Variants in TEK observed in about 807,000 individuals in gnomAD.
TEK encodes the protein angiopoietin-1 receptor.
TEK carries 43 observed loss-of-function variants against 131.8 expected under a neutral mutation model. That is an observed-to-expected ratio of 0.33 (90% confidence interval 0.26 to 0.42). TEK has a LOEUF of 0.42. TEK is among the 10% of genes least tolerant of loss of function. The probability of loss-of-function intolerance (pLI) is 1.00; values close to 1 mark genes in which losing one functional copy is unlikely to be tolerated. For synonymous variants in TEK, 580 were observed against 491.6 expected (o/e 1.18, Z -2.38); for missense variants, 1,162 against 1,384.4 (o/e 0.84, Z 2.55).
At chr9:27,213,459 T>TAC in intron 17 of TEK, 25 bp from the exon 18 acceptor site, 1 of 1,571,388 alleles carries the variant, frequency 6.4e-7, no homozygotes, top group Non-Finnish European at 8.8e-7. Context: ...AGGCTGAAAA[T>TAC]ACATAATGTT....
chr9:27,150,733 A>G (rs545630829), intron 1 of TEK, among the ~76,000 whole-genome samples: 2 of 152,226 alleles, frequency 1.3e-5, no homozygotes, highest in South Asian at 2.1e-4. Context: ...TGGAGTTTGC[A>G]TATAAATGAA....
At chr9:27,156,988 G>A (rs548650903) in intron 1 of TEK, among the ~76,000 whole-genome samples, 2 of 152,256 alleles carry the variant, frequency 1.3e-5, no homozygotes, top group East Asian at 3.9e-4. Flanking sequence ...AAAAGGGAGG[G>A]GTGGGGAGGG....
rs543489288 is a variant in TEK, at chr9:27,165,854, A to C, written c.365-2641A>C. Reference sequence around the variant, plus strand: ...CATTCACATACCTGACCACCAGGGGAGTCTGTGCAAGGCACCCATGCTAGG... The same window carrying C: ...CATTCACATACCTGACCACCAGGGGCGTCTGTGCAAGGCACCCATGCTAGG... On this transcript the variant is annotated intron_variant, in intron 2 of 22. Coordinates refer to ENST00000380036, the MANE Select transcript of TEK (RefSeq NM_000459.5). Among the ~76,000 whole-genome samples the C allele has an allele frequency of 9.8e-5, 15 of 152,298 alleles. No individual in the cohort carries two copies. The South Asian group carries it at 3.1e-3, about 32-fold the overall frequency.
At chr9:27,162,409 G>T (rs1823578671) in intron 2 of TEK, among the ~76,000 whole-genome samples, 1 of 152,220 alleles carries the variant, frequency 6.6e-6, no homozygotes. Context: ...GTCAACAGCA[G>T]TTTGACTCAA....
chr9:27,123,770 A>G (rs931287000), intron 1 of TEK, among the ~76,000 whole-genome samples: 2 of 152,130 alleles, frequency 1.3e-5, no homozygotes, highest in African/African-American at 4.8e-5. Context: ...AATAGAGGTT[A>G]AATTTCTTCA....
At chr9:27,218,593 GT>G (rs1837737095) in intron 19 of TEK, among the ~76,000 whole-genome samples, 183 bp from the exon 20 acceptor site, 1 of 152,162 alleles carries the variant, frequency 6.6e-6, no homozygotes, top group Non-Finnish European at 1.5e-5. Flanking sequence ...CTGTTTCTTT[GT>G]TGTAACCCTT....
At chr9:27,194,265 C>T (rs919412781) in intron 11 of TEK, among the ~76,000 whole-genome samples, 2 of 152,142 alleles carry the variant, frequency 1.3e-5, no homozygotes, top group African/African-American at 4.8e-5. Flanking sequence ...GGAAGAACAT[C>T]CACTTTTCTT....
intron 1 of TEK, among the ~76,000 whole-genome samples, chr9:27,121,327 AAAAT>A (rs1001565497): frequency 6.6e-6 from 1 of 152,312 alleles, no homozygotes; most frequent in African/African-American, 2.4e-5. Flanking sequence ...ACTCTGTCTC[AAAAT>A]AAATAAATAA....
At chr9:27,196,545 G>C (rs887137072) in intron 11 of TEK, among the ~76,000 whole-genome samples, 1 of 152,098 alleles carries the variant, frequency 6.6e-6, no homozygotes, top group Non-Finnish European at 1.5e-5. Context: ...AGAAATACCT[G>C]ACACTGGGTA....
At chr9:27,154,065 G>A (rs924286725) in intron 1 of TEK, among the ~76,000 whole-genome samples, 1 of 152,150 alleles carries the variant, frequency 6.6e-6, no homozygotes, top group Non-Finnish European at 1.5e-5. Context: ...AGTAGATATA[G>A]GGCTGAAGGA....
chr9:27,172,654 C>T lies in TEK; in HGVS notation c.667C>T (p.Leu223Phe). 6.2e-7 allele frequency: 1 copy of T among 1,613,774 alleles called. No homozygotes were observed. ...AQKWGPECNH[L>F]CTACMNNGVC... ...GAAGTGGGGACCTGAATGCAACCATCTCTGTACTGCTTGTATGAACAATGG... is the reference window on the plus strand; with the variant it reads ...GAAGTGGGGACCTGAATGCAACCATTTCTGTACTGCTTGTATGAACAATGG... Residue 223 changes from leucine (L) to phenylalanine (F), a missense_variant, in exon 5 of 23, where the codon CTC (leucine) becomes TTC (phenylalanine). Around this residue, in one of 6 missense-constraint regions of TEK, gnomAD observed 436 missense variants for 539.1 expected, o/e 0.81. Transcript: ENST00000380036.
rs546501219 is a variant in TEK, at chr9:27,229,329, A to T, written c.*97A>T. On this transcript the variant is annotated 3_prime_UTR_variant, in exon 23 of 23. Transcript: ENST00000380036. ...ATGCCTCTGCCAAAGGATGTGATAT[A>T]TAAGTGTACATATGTGCTGTACACC... 6 of 1,152,084 alleles carry T rather than the reference A, an allele frequency of 5.2e-6. 1 individual carries two copies. The South Asian group carries it at 7.3e-5, about 14-fold the overall frequency. 71.4% of individuals were successfully genotyped at this position (1,152,084 alleles called of 1,614,324 possible).
chr9:27,150,868 G>C (rs1054090166), intron 1 of TEK, among the ~76,000 whole-genome samples: 1 of 152,154 alleles, frequency 6.6e-6, no homozygotes, highest in African/African-American at 2.4e-5. Flanking sequence ...GAAAATTTCC[G>C]GCGTTTGAAG....
At chr9:27,117,333 C>T (rs1312837191) in intron 1 of TEK, among the ~76,000 whole-genome samples, 1 of 152,178 alleles carries the variant, frequency 6.6e-6, no homozygotes, top group Non-Finnish European at 1.5e-5. Context: ...TCCTGGCTTT[C>T]AGGAAAGGGA....
chr9:27,162,702 C>G (rs1823587510), intron 2 of TEK, among the ~76,000 whole-genome samples: 1 of 152,002 alleles, frequency 6.6e-6, no homozygotes, highest in South Asian at 2.1e-4. Flanking sequence ...TTTATACTTT[C>G]ATTCCACAAT....
intron 1 of TEK, among the ~76,000 whole-genome samples, chr9:27,149,169 A>C (rs1215982258): frequency 6.6e-6 from 1 of 152,230 alleles, no homozygotes; most frequent in Admixed American, 6.5e-5. Context: ...ATTATAAACC[A>C]GGCATTGTGC....
chr9:27,110,286 A>G (rs59788593), intron 1 of TEK, among the ~76,000 whole-genome samples: 16 of 152,208 alleles, frequency 1.1e-4, no homozygotes, highest in African/African-American at 3.9e-4. Context: ...TGGCCCAATG[A>G]AACAAAAATT....
intron 1 of TEK, among the ~76,000 whole-genome samples, chr9:27,113,454 G>T (rs930117363): frequency 4.6e-5 from 7 of 152,138 alleles, no homozygotes; most frequent in African/African-American, 1.4e-4. Flanking sequence ...AAGGTGTGGT[G>T]GTGTGTGCCC....
At chr9:27,151,984 CT>C (rs1220914010) in intron 1 of TEK, among the ~76,000 whole-genome samples, 2 of 152,188 alleles carry the variant, frequency 1.3e-5, no homozygotes, top group Non-Finnish European at 2.9e-5. Flanking sequence ...TCCAGAAATG[CT>C]TTTGACTCAG....
Sources: allele counts gnomAD v4.1 joint callset (sites outside exome capture counted in the v4.1 genomes callset), GRCh38; gene constraint gnomAD v4.1.1; regional missense constraint gnomAD v4.1.1; transcripts MANE v1.5; gene names NCBI Gene and HGNC (gene_info 2026-07-23, HGNC 2026-07-21).